Variants in NOX4 observed in about 807,000 individuals in gnomAD.
The protein encoded by NOX4 is kidney oxidase-1.
NOX4 carries 69 observed loss-of-function variants against 87.6 expected under a neutral mutation model. That is an observed-to-expected ratio of 0.79 (90% confidence interval 0.65 to 0.96). NOX4 has a LOEUF of 0.96. NOX4 is among the 40% of genes least tolerant of loss of function. The pLI, the probability that NOX4 is intolerant of heterozygous loss-of-function variation, is 0.00. For synonymous variants in NOX4, 275 were observed against 238.2 expected, an observed-to-expected ratio of 1.15 and a Z score of -1.42; for missense variants, 680 against 681.5, an observed-to-expected ratio of 1.00 and a Z score of 0.02.
chr11:89,346,794 A>C (rs1234320972), intron 13 of NOX4, among the ~76,000 whole-genome samples: 1 of 152,138 alleles, frequency 6.6e-6, no homozygotes, highest in Admixed American at 6.6e-5. Flanking sequence ...CAGCTTCTTG[A>C]CTTAGATCTC....
intron 11 of NOX4, among the ~76,000 whole-genome samples, chr11:89,389,825 T>C (rs1368323414): frequency 8.5e-5 from 13 of 152,142 alleles, no homozygotes; most frequent in Non-Finnish European, 8.8e-5. Flanking sequence ...ATCTCACCTC[T>C]ACCTCAACTA....
chr11:89,564,835 C>T, the NOX4 span, among the ~76,000 whole-genome samples: 1 of 151,128 alleles, frequency 6.6e-6, no homozygotes, highest in Admixed American at 6.6e-5. Flanking sequence ...GATTCTTCAA[C>T]CAGCATTAAT....
intron 11 of NOX4, among the ~76,000 whole-genome samples, chr11:89,381,549 C>G (rs1218849039): frequency 6.6e-6 from 1 of 152,108 alleles, no homozygotes; most frequent in Non-Finnish European, 1.5e-5. Flanking sequence ...TGGACCCAAA[C>G]CTATCTCCCT....
At chr11:89,464,269 G>A (rs769267952) in intron 2 of NOX4, among the ~76,000 whole-genome samples, 7 of 151,934 alleles carry the variant, frequency 4.6e-5, no homozygotes, top group South Asian at 2.1e-4. Flanking sequence ...ACTTCTTTAC[G>A]ATTCTGCAAA....
chr11:89,431,883 T>C (rs1943806040), intron 7 of NOX4, among the ~76,000 whole-genome samples: 4 of 152,148 alleles, frequency 2.6e-5, no homozygotes, highest in Admixed American at 2.6e-4. Flanking sequence ...ATCATGCTGC[T>C]ATAAAGACAC....
chr11:89,463,941 TATG>T (rs1248918141), intron 2 of NOX4, among the ~76,000 whole-genome samples: 1 of 152,024 alleles, frequency 6.6e-6, no homozygotes, highest in East Asian at 1.9e-4. Flanking sequence ...GGCATTTGCA[TATG>T]ATAAGAACAT....
chr11:89,378,598 G>T (rs1219722847), intron 11 of NOX4, among the ~76,000 whole-genome samples: 1 of 151,636 alleles, frequency 6.6e-6, no homozygotes, highest in Non-Finnish European at 1.5e-5. Flanking sequence ...GGTATCAGTT[G>T]AATAAATATT....
intron 8 of NOX4, among the ~76,000 whole-genome samples, chr11:89,418,829 C>T (rs1335953174): frequency 6.6e-6 from 1 of 151,872 alleles, no homozygotes; most frequent in Admixed American, 6.6e-5. Context: ...GATATCTTTT[C>T]AGCTTCCTTT....
chr11:89,429,789 A>G (rs536668583), intron 7 of NOX4, among the ~76,000 whole-genome samples: 189 of 152,268 alleles, frequency 1.2e-3, no homozygotes, highest in South Asian at 9.1e-3. Context: ...GGAGGAGCTC[A>G]TACCATTCCT....
chr11:89,380,584 G>T (rs1408965392), intron 11 of NOX4, among the ~76,000 whole-genome samples: 1 of 151,980 alleles, frequency 6.6e-6, no homozygotes, highest in Admixed American at 6.6e-5. Context: ...AATAAGGATT[G>T]AATAAATTAA....
At chr11:89,500,313 C>T (rs1947003254), upstream of NOX4, among the ~76,000 whole-genome samples, 1 of 152,090 alleles carries the variant, frequency 6.6e-6, no homozygotes, top group African/African-American at 2.4e-5. Context: ...CAGCATTATG[C>T]TTCCTGTGGT....
At position 89,368,959 on chromosome 11, in the gene NOX4, A is replaced by G. The variant is rs188117806; in HGVS notation, c.1135+4473T>C. ...AGATATATTTTTATAGATATAAAAT[A>G]CTCTCTTACTTTTATTATCTCTTAA... On this transcript the variant is annotated intron_variant, in intron 12 of 17. Coordinates refer to ENST00000263317, the MANE Select transcript of NOX4 (RefSeq NM_016931.5). Among the ~76,000 whole-genome samples, 591 of 152,094 alleles carry G rather than the reference A, an allele frequency of 3.9e-3. 5 individuals are homozygous for G. The highest frequency in any genetic ancestry group is 3.3e-3 in the Non-Finnish European group (226 of 67,998).
chr11:89,423,534 A>C (rs1413948614), intron 7 of NOX4, among the ~76,000 whole-genome samples: 6 of 152,080 alleles, frequency 3.9e-5, no homozygotes, highest in Admixed American at 3.9e-4. Context: ...CCCTTGGTTC[A>C]ATGTGTTAGT....
chr11:89,446,065 G>A (rs1944687565), intron 4 of NOX4, among the ~76,000 whole-genome samples: 1 of 151,952 alleles, frequency 6.6e-6, no homozygotes, highest in Non-Finnish European at 1.5e-5. Context: ...CATCTCAATA[G>A]ATACCTCACC....
Position 89,449,539 on chromosome 11 carries a change from T to C in NOX4, c.265-15A>G. The C allele has an allele frequency of 6.3e-7, 1 of 1,585,054 alleles. No individual in the cohort carries two copies. The highest frequency in any genetic ancestry group is 8.7e-7 in the Non-Finnish European group (1 of 1,155,636). On this transcript the variant is annotated splice_polypyrimidine_tract_variant and intron_variant, in intron 3 of 17. Coordinates refer to ENST00000263317, the MANE Select transcript of NOX4 (RefSeq NM_016931.5). The stretch of plus-strand genomic sequence containing the variant: ...CTGCTTGGAACCTAAACAAAAATCA[T>C]TTAATATGGTAAAAATAATGCAACA...
At chr11:89,532,806 A>G in the NOX4 span, among the ~76,000 whole-genome samples, 1 of 152,090 alleles carries the variant, frequency 6.6e-6, no homozygotes, top group Admixed American at 6.5e-5. Flanking sequence ...GGATCATGGA[A>G]GTGGTCTCTT....
At chr11:89,412,791 C>A (rs1396109678) in intron 8 of NOX4, among the ~76,000 whole-genome samples, 1 of 151,970 alleles carries the variant, frequency 6.6e-6, no homozygotes. Context: ...TGAGTAATAT[C>A]CCACAAGCAA....
At chr11:89,452,500 C>G (rs1945006575) in intron 2 of NOX4, among the ~76,000 whole-genome samples, 1 of 152,110 alleles carries the variant, frequency 6.6e-6, no homozygotes, top group African/African-American at 2.4e-5. Flanking sequence ...TCATTGCTTT[C>G]TGTACTTCCC....
Position 89,342,110 on chromosome 11 carries a change from C to A in NOX4, c.1301G>T (p.Gly434Val), listed in dbSNP as rs1347506299. The change falls in exon 14 of 18, where the codon GGA becomes GTA. Residue 434 changes from glycine (G) to valine (V), a missense_variant. Physicochemically the swap from Gly to Val is moderately radical, Grantham distance 109 (BLOSUM62 -3). Transcript: ENST00000263317. ...GAGTATTGATGCAAATGGAGTTACT[C>A]CAATGCCTCCAGCCACGCAGAGGCT... ...EVSLCVAGGI[G>V]VTPFASILNT... is the part of the protein sequence containing the mutation. The A allele has an allele frequency of 6.2e-7, 1 of 1,613,264 alleles. No individual in the cohort carries two copies. The highest frequency in any genetic ancestry group is 1.1e-5 in the South Asian group (1 of 91,040).
Sources: allele counts gnomAD v4.1 joint callset (sites outside exome capture counted in the v4.1 genomes callset), GRCh38; gene constraint gnomAD v4.1.1; transcripts MANE v1.5; gene names NCBI Gene and HGNC (gene_info 2026-07-23, HGNC 2026-07-21).